The following LCP1 variants were observed in gnomAD, a reference collection of about 807,000 sequenced individuals.
LCP1 encodes the protein lymphocyte cytosolic protein 1.
LCP1 carries 23 observed loss-of-function variants against 72.0 expected under a neutral mutation model. The ratio of observed to expected loss-of-function variants is 0.32; its 90% CI spans 0.23 to 0.45. LCP1 has a LOEUF of 0.45. Ranked by LOEUF, LCP1 falls within the 20% of genes least tolerant of loss-of-function variation. The probability of loss-of-function intolerance (pLI) is 1.00; values close to 1 mark genes in which losing one functional copy is unlikely to be tolerated. For missense variants in LCP1, 571 were observed against 748.3 expected, an observed-to-expected ratio of 0.76 and a Z score of 2.76; for synonymous variants, 245 against 275.4, an observed-to-expected ratio of 0.89 and a Z score of 1.09.
At chr13:46,172,807 C>A (rs2045911005) in intron 1 of LCP1, among the ~76,000 whole-genome samples, 1 of 152,206 alleles carries the variant, frequency 6.6e-6, no homozygotes, top group Admixed American at 6.5e-5. Context: ...CATTATCTCC[C>A]ATTTAGAAAA....
chr13:46,142,379 T>G lies in LCP1; in HGVS notation c.1415A>C (p.Lys472Thr), dbSNP rs2045704008. 6.2e-7 allele frequency: 1 copy of G among 1,613,892 alleles called. No homozygotes were observed. The highest frequency in any genetic ancestry group is 8.5e-7 in the Non-Finnish European group (1 of 1,179,936). The change falls in exon 13 of 16, where the codon AAG becomes ACG. Residue 472 changes from lysine (K) to threonine (T), a missense_variant. Transcript: ENST00000323076. The part of the protein sequence containing the change: ...YAVELGKNQA[K>T]FSLVGIGGQD... ...TCCACCGATGCCAACCAGGGAGAAC[T>G]TCGCTTGATTCTTCCCCAATTCTAC...
At chr13:46,167,173 C>T (rs1255397164) in intron 1 of LCP1, among the ~76,000 whole-genome samples, 1 of 152,178 alleles carries the variant, frequency 6.6e-6, no homozygotes, top group Non-Finnish European at 1.5e-5. Context: ...AGGAGAGACT[C>T]AACGGCTCTC....
At chr13:46,131,052 T>G in intron 14 of LCP1, 114 bp from the exon 15 acceptor site, 1 of 1,075,340 alleles carries the variant, frequency 9.3e-7, no homozygotes, top group South Asian at 2.0e-5. Flanking sequence ...CAGCCTGGTC[T>G]GGGAAATGCA....
At chr13:46,177,956 T>C (rs1436168468) in intron 1 of LCP1, among the ~76,000 whole-genome samples, 1 of 152,168 alleles carries the variant, frequency 6.6e-6, no homozygotes, top group African/African-American at 2.4e-5. Context: ...ATGCATTTAT[T>C]TGGGGAAGTA....
In LCP1 at chr13:46,159,705, TA is replaced by T; in HGVS notation, c.-24-20del. The T allele has an allele frequency of 6.9e-7, 1 of 1,458,132 alleles. No individual in the cohort carries two copies. The allele number at this position is 1,458,132 out of a possible 1,614,324, so 90.3% of individuals were successfully genotyped here. ...AACAGATCTGGAGAGAAGAAGAACA[TA>T]AGGGATAACTTTTGTGCATTTGAAT... On this transcript the variant is annotated intron_variant, in intron 1 of 15. Coordinates refer to ENST00000323076, the MANE Select transcript of LCP1 (RefSeq NM_002298.5).
At chr13:46,153,431 T>C (rs1431546127) in intron 6 of LCP1, among the ~76,000 whole-genome samples, 2 of 152,132 alleles carry the variant, frequency 1.3e-5, no homozygotes, top group Admixed American at 1.3e-4. Flanking sequence ...GCTGGCACGG[T>C]GGCTCATGCC....
At chr13:46,160,377 A>G (rs183194997) in intron 1 of LCP1, among the ~76,000 whole-genome samples, 1 of 152,376 alleles carries the variant, frequency 6.6e-6, no homozygotes, top group Admixed American at 6.5e-5. Flanking sequence ...TTACCCAGCA[A>G]TAAGCAACTA....
At chr13:46,148,546 C>A in intron 8 of LCP1, 99 bp from the exon 9 acceptor site, 1 of 760,074 alleles carries the variant, frequency 1.3e-6, no homozygotes, top group Non-Finnish European at 2.2e-6. Context: ...ATTTCATATT[C>A]AGCTATCATT....
At chr13:46,164,577 C>A (rs766364797) in intron 1 of LCP1, among the ~76,000 whole-genome samples, 2 of 152,106 alleles carry the variant, frequency 1.3e-5, no homozygotes, top group African/African-American at 4.8e-5. Context: ...GATTTAACAG[C>A]AAATGCAAAA....
At chr13:46,163,979 A>G (rs1429820562) in intron 1 of LCP1, among the ~76,000 whole-genome samples, 2 of 152,246 alleles carry the variant, frequency 1.3e-5, no homozygotes, top group Admixed American at 6.5e-5. Flanking sequence ...TTATGGGATT[A>G]TAAGATACAT....
intron 13 of LCP1, 82 bp from the exon 14 acceptor site, chr13:46,134,332 T>C: frequency 7.3e-7 from 1 of 1,365,266 alleles, no homozygotes; most frequent in African/African-American, 1.4e-5. Context: ...GATGGAATTT[T>C]TTTTTCGGGT....
At position 46,138,416 on chromosome 13, in the gene LCP1, T is replaced by C. The variant is rs192984787; in HGVS notation, c.1502+3876A>G. On this transcript the variant is annotated intron_variant, in intron 13 of 15. Transcript: ENST00000323076. ...CATTACTTCTCCTTCTACAGTAATA[T>C]ATTTTTCTGTCTACTTTCTTAAATG... is the stretch of plus-strand genomic sequence containing the variant. 6.6e-5 allele frequency among the ~76,000 whole-genome samples: 10 copies of C among 152,196 alleles called. No individual in the cohort carries two copies. The East Asian group carries it at 1.9e-3, about 29-fold the overall frequency.
intron 6 of LCP1, among the ~76,000 whole-genome samples, chr13:46,153,488 G>A (rs1021894067): frequency 7.2e-5 from 11 of 152,068 alleles, no homozygotes; most frequent in Non-Finnish European, 1.6e-4. Flanking sequence ...ATCACCTAAG[G>A]TCAGGAGTTT....
At chr13:46,131,959 C>T (rs1184527406) in intron 14 of LCP1, among the ~76,000 whole-genome samples, 1 of 151,478 alleles carries the variant, frequency 6.6e-6, no homozygotes, top group Non-Finnish European at 1.5e-5. Flanking sequence ...CAGCATCACA[C>T]AATATACCCT....
Position 46,143,369 on chromosome 13 carries a change from T to C in LCP1, c.1289A>G (p.Tyr430Cys). ...GTCAACAGGAACTTTGATCTTTTCA[T>C]AGAGCTGGAAGATGACCAGGGCATC... ...LSDALVIFQL[Y>C]EKIKVPVDWN... The change falls in exon 12 of 16, where the codon TAT (tyrosine) becomes TGT (cysteine). Residue 430 changes from tyrosine to cysteine, a missense_variant. Transcript: ENST00000323076. 6.2e-7 allele frequency: 1 copy of C among 1,614,022 alleles called. No homozygotes were observed. The highest frequency in any genetic ancestry group is 8.5e-7 in the Non-Finnish European group (1 of 1,179,892).
chr13:46,159,255 T>A (rs2138262921), intron 2 of LCP1: 1 of 522,746 alleles, frequency 1.9e-6, no homozygotes, highest in East Asian at 3.1e-5. Flanking sequence ...TAGAAACTCT[T>A]AAGGAAACCA....
At chr13:46,153,641 C>A (rs541259309) in intron 6 of LCP1, among the ~76,000 whole-genome samples, 1 of 148,254 alleles carries the variant, frequency 6.7e-6, no homozygotes, top group African/African-American at 2.5e-5. Flanking sequence ...GCAGAGGTTG[C>A]GGTGAGCTGA....
chr13:46,157,908 A>T (rs2045813533), intron 4 of LCP1, among the ~76,000 whole-genome samples: 1 of 152,032 alleles, frequency 6.6e-6, no homozygotes, highest in Non-Finnish European at 1.5e-5. Context: ...CACTGCACCC[A>T]GTAGAACGGG....
In LCP1 at chr13:46,126,993, C is replaced by T. The variant is rs2045602644; in HGVS notation, c.*598G>A. On this transcript the variant is annotated 3_prime_UTR_variant, in exon 16 of 16. Transcript: ENST00000323076. ...CCAGAGACTCCTGAGACTTCAACAG[C>T]TTGACTGATTTATCACACACTCCAA... is the stretch of plus-strand genomic sequence containing the variant. 4.3e-6 allele frequency: 1 copy of T among 231,270 alleles called. No homozygotes were observed. Among genetic ancestry groups the T allele is most frequent in the East Asian group, 6.1e-5 (1 of 16,320 alleles). 14.3% of individuals were successfully genotyped at this position (231,270 alleles called of 1,614,324 possible).
Sources: allele counts gnomAD v4.1 joint callset (sites outside exome capture counted in the v4.1 genomes callset), GRCh38; gene constraint gnomAD v4.1.1; transcripts MANE v1.5; gene names NCBI Gene and HGNC (gene_info 2026-07-23, HGNC 2026-07-21).